BABAM2: variants seen among roughly 807,000 people sequenced by gnomAD.
BABAM2 encodes the protein BRISC and BRCA1-A complex member 2.
A neutral mutation model predicts 54.7 loss-of-function variants in BABAM2; 31 were observed. The ratio of observed to expected loss-of-function variants is 0.57; its 90% CI spans 0.43 to 0.77. BABAM2 has a LOEUF of 0.77. BABAM2 is among the 30% of genes least tolerant of loss of function. The pLI, the probability that BABAM2 is intolerant of heterozygous loss-of-function variation, is 0.00. For synonymous variants in BABAM2, 167 were observed against 162.9 expected (o/e 1.03, Z -0.19); for missense variants, 364 against 455.8 (o/e 0.80, Z 1.83).
rs534337681 is a variant in BABAM2, at chr2:28,248,376, A to G, written c.934+3514A>G. ...AGGCATGCGCCACCATGCCTGGCTA[A>G]TTTTGTAATTTTAGTAGAAACGGAG... On this transcript the variant is annotated intron_variant, in intron 10 of 11. Transcript: ENST00000379624. Among the ~76,000 whole-genome samples, 637 of 150,938 alleles carry G rather than the reference A, an allele frequency of 4.2e-3. 3 individuals carry two copies. Among genetic ancestry groups the G allele is most frequent in the Non-Finnish European group, 7.5e-3 (506 of 67,646 alleles).
At chr2:28,128,115 T>C (rs1329090963) in intron 6 of BABAM2, among the ~76,000 whole-genome samples, 1 of 151,978 alleles carries the variant, frequency 6.6e-6, no homozygotes, top group Non-Finnish European at 1.5e-5. Flanking sequence ...CCCAGCCGAG[T>C]AATGAGTCTT....
chr2:28,258,554 T>C (rs1195247312), intron 10 of BABAM2, among the ~76,000 whole-genome samples: 1 of 152,098 alleles, frequency 6.6e-6, no homozygotes, highest in African/African-American at 2.4e-5. Flanking sequence ...CCTATGCTTA[T>C]CTGCCATTCG....
At chr2:28,177,112 T>C (rs1169435382) in intron 7 of BABAM2, among the ~76,000 whole-genome samples, 1 of 151,866 alleles carries the variant, frequency 6.6e-6, no homozygotes, top group South Asian at 2.1e-4. Context: ...CACGTGATAG[T>C]CAAACTATCA....
chr2:28,040,315 T>TTTTGTTTTTTTTTC (rs1676984378), intron 5 of BABAM2, among the ~76,000 whole-genome samples: 1 of 128,358 alleles, frequency 7.8e-6, no homozygotes, highest in African/African-American at 2.9e-5. Flanking sequence ...TTTTTTTTTT[T>TTTTGTTTTTTTTTC]TTTGAGACGG....
intron 7 of BABAM2, among the ~76,000 whole-genome samples, chr2:28,200,461 A>G (rs963329129): frequency 1.3e-5 from 2 of 152,242 alleles, no homozygotes; most frequent in Non-Finnish European, 2.9e-5. Context: ...CAGAGAGAAG[A>G]AAAGACCAGG....
chr2:27,976,121 A>T (rs1160819117), intron 3 of BABAM2, among the ~76,000 whole-genome samples: 1 of 152,152 alleles, frequency 6.6e-6, no homozygotes, highest in Non-Finnish European at 1.5e-5. Flanking sequence ...TGCTAAATGT[A>T]ATAGTCACTC....
chr2:28,049,837 A>G (rs761141438), intron 6 of BABAM2, among the ~76,000 whole-genome samples: 5 of 152,242 alleles, frequency 3.3e-5, no homozygotes, highest in Non-Finnish European at 7.3e-5. Flanking sequence ...TAAGCAGATC[A>G]CTAACATGGA....
chr2:27,902,248 A>G (rs1291007672), intron 2 of BABAM2, among the ~76,000 whole-genome samples: 1 of 152,222 alleles, frequency 6.6e-6, no homozygotes, highest in Non-Finnish European at 1.5e-5. Context: ...GAGTCACCCA[A>G]CATTAAAAAA....
At chr2:28,005,187 CT>C (rs777403225) in intron 4 of BABAM2, among the ~76,000 whole-genome samples, 65 of 151,992 alleles carry the variant, frequency 4.3e-4, no homozygotes, top group Non-Finnish European at 6.9e-4. Flanking sequence ...TTGGAATGAG[CT>C]ATAGATTTAT....
chr2:28,018,183 T>C (rs1674982780), intron 4 of BABAM2, among the ~76,000 whole-genome samples: 1 of 152,206 alleles, frequency 6.6e-6, no homozygotes, highest in African/African-American at 2.4e-5. Flanking sequence ...GCGTCATTCT[T>C]ATACCTTTGT....
At chr2:28,201,095 G>A (rs1296932189) in intron 7 of BABAM2, among the ~76,000 whole-genome samples, 3 of 152,158 alleles carry the variant, frequency 2.0e-5, no homozygotes, top group African/African-American at 7.2e-5. Context: ...AATGGGGAGA[G>A]CAAGGGGAGG....
At chr2:28,274,878 T>C (rs1173590884) in intron 10 of BABAM2, among the ~76,000 whole-genome samples, 1 of 152,180 alleles carries the variant, frequency 6.6e-6, no homozygotes, top group Admixed American at 6.5e-5. Context: ...GGAGAGGTTA[T>C]GTAACATCAA....
chr2:28,052,574 C>T (rs1208238719), intron 6 of BABAM2, among the ~76,000 whole-genome samples: 1 of 152,002 alleles, frequency 6.6e-6, no homozygotes. Flanking sequence ...AGGTGTGAGC[C>T]ACCACACCCG....
At chr2:27,932,781 G>GGACA (rs1372933954) in intron 3 of BABAM2, among the ~76,000 whole-genome samples, 9 of 152,120 alleles carry the variant, frequency 5.9e-5, no homozygotes, top group African/African-American at 2.2e-4. Flanking sequence ...GGGTTTACTA[G>GGACA]GACAGATGGC....
intron 7 of BABAM2, among the ~76,000 whole-genome samples, chr2:28,146,003 C>T (rs1450001776): frequency 6.6e-6 from 1 of 152,160 alleles, no homozygotes; most frequent in African/African-American, 2.4e-5. Flanking sequence ...TGGATTGTTA[C>T]CACTTTTTGC....
chr2:28,139,321 C>CAAAAAAAAAAAAA (rs768755922), intron 7 of BABAM2, among the ~76,000 whole-genome samples: 2 of 87,090 alleles, frequency 2.3e-5, no homozygotes, highest in African/African-American at 1.2e-4. Context: ...AACTCCGTCT[C>CAAAAAAAAAAAAA]AAAAAAAAAA....
chr2:28,275,177 G>A (rs1224787554), intron 10 of BABAM2, among the ~76,000 whole-genome samples: 2 of 152,188 alleles, frequency 1.3e-5, no homozygotes, highest in Non-Finnish European at 2.9e-5. Flanking sequence ...CATGCACAGG[G>A]AAAGGTTGTT....
At chr2:27,973,629 C>T (rs1477836726) in intron 3 of BABAM2, among the ~76,000 whole-genome samples, 1 of 152,026 alleles carries the variant, frequency 6.6e-6, no homozygotes, top group African/African-American at 2.4e-5. Flanking sequence ...GAAAAGGTGC[C>T]ACTGGGAGGC....
intron 10 of BABAM2, among the ~76,000 whole-genome samples, chr2:28,282,072 A>C (rs2148196016): frequency 6.6e-6 from 1 of 152,218 alleles, no homozygotes; most frequent in East Asian, 1.9e-4. Flanking sequence ...ATGGAGAAAA[A>C]GAGGCAGTAA....
Sources: gnomAD v4.1 joint callset for allele counts (sites outside exome capture counted in the v4.1 genomes callset) on GRCh38, gnomAD v4.1.1 for gene constraint, MANE v1.5 for transcripts, NCBI Gene and HGNC (gene_info 2026-07-23, HGNC 2026-07-21) for gene names.